Variants in HEATR5A observed in about 807,000 individuals in gnomAD.
The protein encoded by HEATR5A is HEAT repeat containing 5A.
HEATR5A carries 178 observed loss-of-function variants against 218.8 expected under a neutral mutation model. The observed-to-expected ratio is 0.81, with a 90% confidence interval of 0.72 to 0.92. The LOEUF (loss-of-function observed/expected upper bound fraction) is 0.92. HEATR5A is among the 40% of genes least tolerant of loss of function. The pLI is 0.00. For synonymous variants in HEATR5A, 864 were observed against 871.6 expected, an observed-to-expected ratio of 0.99 and a Z score of 0.15; for missense variants, 2,420 against 2,418.9, an observed-to-expected ratio of 1.00 and a Z score of -0.01.
At chr14:31,295,569 T>C (rs929949313) in intron 34 of HEATR5A, 1 of 153,088 alleles carries the variant, frequency 6.5e-6, no homozygotes, top group Non-Finnish European at 1.4e-5. Context: ...TTTTTTTTTT[T>C]TTTTTTTTTT....
chr14:31,320,119 T>C lies in HEATR5A; in HGVS notation c.3969+1380A>G, dbSNP rs1900042257. On this transcript the variant is annotated intron_variant, in intron 25 of 35. Transcript: ENST00000543095. The stretch of plus-strand genomic sequence containing the variant: ...ATTAACCTTTATTTATTTATTTATT[T>C]ATTTAGAGAAACGTTGTGTTTAATG... The C allele has an allele frequency of 2.6e-5, 6 of 232,358 alleles. No individual in the cohort carries two copies. The South Asian group carries it at 3.9e-4, about 15-fold the overall frequency. 14.4% of individuals were successfully genotyped at this position (232,358 alleles called of 1,614,324 possible).
intron 16 of HEATR5A, among the ~76,000 whole-genome samples, chr14:31,355,998 G>C (rs1333625675): frequency 6.6e-6 from 1 of 152,160 alleles, no homozygotes; most frequent in Non-Finnish European, 1.5e-5. Context: ...ATATTCGGTT[G>C]CTGTTTAAAT....
intron 22 of HEATR5A, chr14:31,334,288 G>A: frequency 2.6e-6 from 1 of 389,700 alleles, no homozygotes; most frequent in South Asian, 1.9e-5. Context: ...GCAGATTAAG[G>A]AGTCATTTTG....
rs116863217 is a variant in HEATR5A at position 31,323,973 on chromosome 14, C to T, written c.3548-169G>A. On this transcript the variant is annotated intron_variant, in intron 23 of 35. Coordinates refer to ENST00000543095, the MANE Select transcript of HEATR5A (RefSeq NM_015473.4). ...ATCAAATAATTAGGTCTAATAACTA[C>T]ATACAACTAAACAGCTGTCTAAAGG... Among the ~76,000 whole-genome samples the T allele has an allele frequency of 5.7e-3, 872 of 152,156 alleles. 8 individuals carry two copies. The highest frequency in any genetic ancestry group is 0.012 in the South Asian group (58 of 4,820).
chr14:31,398,148 G>A (rs1295992577), intron 4 of HEATR5A, among the ~76,000 whole-genome samples: 2 of 152,120 alleles, frequency 1.3e-5, no homozygotes, highest in Non-Finnish European at 2.9e-5. Context: ...AGGAGTAAGT[G>A]ACACAAATAT....
chr14:31,373,132 G>T (rs1902101745), intron 12 of HEATR5A, among the ~76,000 whole-genome samples: 1 of 151,982 alleles, frequency 6.6e-6, no homozygotes, highest in Non-Finnish European at 1.5e-5. Flanking sequence ...ATGTTGTCCA[G>T]GCTGGTCTTG....
At position 31,354,695 on chromosome 14, in the gene HEATR5A, T is replaced by C. The variant is rs539827661; in HGVS notation, c.2411+3942A>G. ...CAGTTAACTGAATAAAGGGTGAAGATGTAACATTTGAAAATGTTGATTTAT... is the reference window on the plus strand; with the variant it reads ...CAGTTAACTGAATAAAGGGTGAAGACGTAACATTTGAAAATGTTGATTTAT... On this transcript the variant is annotated intron_variant, in intron 16 of 35. Transcript: ENST00000543095. Among the ~76,000 whole-genome samples, 6 of 152,348 alleles carry C rather than the reference T, an allele frequency of 3.9e-5. No homozygotes were observed. In the East Asian group the frequency reaches 9.6e-4, roughly 24 times the overall value.
At chr14:31,333,889 T>A (rs925670356) in intron 22 of HEATR5A, among the ~76,000 whole-genome samples, 54 of 141,416 alleles carry the variant, frequency 3.8e-4, no homozygotes, top group Admixed American at 2.7e-3. Flanking sequence ...AAAAAAAAAA[T>A]TTAGCTGGGT....
chr14:31,364,381 A>G, intron 13 of HEATR5A, 83 bp from the exon 14 acceptor site: 1 of 640,900 alleles, frequency 1.6e-6, no homozygotes, highest in East Asian at 2.8e-5. Context: ...ATCTTAACAT[A>G]TAAATTAGCT....
At chr14:31,371,092 A>ACATT (rs373966140) in intron 13 of HEATR5A, among the ~76,000 whole-genome samples, 1,641 of 152,274 alleles carry the variant, frequency 0.011, 24 homozygotes, top group African/African-American at 0.037. Flanking sequence ...GAACACAGCC[A>ACATT]CATTCATTCA....
At position 31,308,012 on chromosome 14, in the gene HEATR5A, C is replaced by G. The variant is rs756297444; in HGVS notation, c.4699G>C (p.Val1567Leu). 3.1e-6 allele frequency: 5 copies of G among 1,606,536 alleles called. No homozygotes were observed. Among genetic ancestry groups the G allele is most frequent in the Non-Finnish European group, 4.2e-6 (5 of 1,177,716 alleles). The change falls in exon 30 of 36, where the codon GTG (valine) becomes CTG (leucine). Residue 1567 changes from valine to leucine, a missense_variant. Val to Leu is a conservative substitution (Grantham distance 32). Coordinates refer to ENST00000543095, the MANE Select transcript of HEATR5A (RefSeq NM_015473.4). ...DRFHLILGISVEFLCSLRSDA... is the reference protein window; with the variant it reads ...DRFHLILGISLEFLCSLRSDA... ...GAACGTAAGGAACATAGAAATTCCACGCTGATTCCTGTGGAAAGCAAAAAA... is the reference window on the plus strand; with the variant it reads ...GAACGTAAGGAACATAGAAATTCCAGGCTGATTCCTGTGGAAAGCAAAAAA...
At chr14:31,320,098 A>G (rs1900040913) in intron 25 of HEATR5A, 1 of 222,720 alleles carries the variant, frequency 4.5e-6, no homozygotes, top group Admixed American at 5.1e-5. Context: ...ATGAAAATTA[A>G]CCTTTATTTA....
chr14:31,365,611 C>T (rs560983397), intron 13 of HEATR5A, among the ~76,000 whole-genome samples: 3 of 152,124 alleles, frequency 2.0e-5, no homozygotes, highest in South Asian at 2.1e-4. Context: ...GCACCCACCT[C>T]GGCCTCCCAA....
chr14:31,406,999 GAGA>G (rs1197205231), intron 1 of HEATR5A, among the ~76,000 whole-genome samples: 1 of 38,050 alleles, frequency 2.6e-5, no homozygotes, highest in Non-Finnish European at 6.8e-5. Flanking sequence ...AAAAAAAAGC[GAGA>G]AGTAGGGCCG....
chr14:31,404,422 T>C (rs2030985464), intron 1 of HEATR5A, among the ~76,000 whole-genome samples: 1 of 152,222 alleles, frequency 6.6e-6, no homozygotes, highest in Non-Finnish European at 1.5e-5. Context: ...AGGCTTTTCA[T>C]TTTTTCATGT....
chr14:31,326,267 C>T lies in HEATR5A; in HGVS notation c.3443G>A (p.Cys1148Tyr). 6.2e-7 allele frequency: 1 copy of T among 1,612,976 alleles called. No homozygotes were observed. The highest frequency in any genetic ancestry group is 1.1e-5 in the South Asian group (1 of 91,064). Reference sequence around the variant, plus strand: ...ATTTAAAGTCTCTTTGATATCATGGCATAATCTCTCATCTGTCTCCTTGTC... The same window carrying T: ...ATTTAAAGTCTCTTTGATATCATGGTATAATCTCTCATCTGTCTCCTTGTC... ...LLDKETDERLCHDIKETLNYM... is the reference protein window; with the variant it reads ...LLDKETDERLYHDIKETLNYM... The change falls in exon 23 of 36, where the codon TGC becomes TAC. Residue 1148 changes from cysteine (C) to tyrosine (Y), a missense_variant. Physicochemically the swap from Cys to Tyr is radical, Grantham distance 194. Transcript: ENST00000543095.
intron 14 of HEATR5A, among the ~76,000 whole-genome samples, chr14:31,362,904 G>A (rs184523531): frequency 9.7e-4 from 148 of 152,238 alleles, no homozygotes; most frequent in Middle Eastern, 3.4e-3. Context: ...GCTGGGCACA[G>A]TGGCTTATGC....
chr14:31,337,931 A>G (rs1366406885), intron 21 of HEATR5A, among the ~76,000 whole-genome samples: 1 of 152,198 alleles, frequency 6.6e-6, no homozygotes, highest in Non-Finnish European at 1.5e-5. Context: ...ACTACAATGG[A>G]AAGGATTTAG....
Position 31,355,794 on chromosome 14 carries a change from G to A in HEATR5A, c.2411+2843C>T, listed in dbSNP as rs137885967. Among the ~76,000 whole-genome samples, 577 of 152,138 alleles carry A rather than the reference G, an allele frequency of 3.8e-3. 5 individuals carry two copies. Among genetic ancestry groups the A allele is most frequent in the Admixed American group, 0.02 (306 of 15,276 alleles). Reference sequence around the variant, plus strand: ...TATAAAATATCTTGACTTTCCAACCGGTAAACATTTTTACGTTAGAACCCT... The same window carrying A: ...TATAAAATATCTTGACTTTCCAACCAGTAAACATTTTTACGTTAGAACCCT... On this transcript the variant is annotated intron_variant, in intron 16 of 35. Transcript: ENST00000543095.
Sources: allele counts gnomAD v4.1 joint callset (sites outside exome capture counted in the v4.1 genomes callset), GRCh38; gene constraint gnomAD v4.1.1; transcripts MANE v1.5; gene names NCBI Gene and HGNC (gene_info 2026-07-23, HGNC 2026-07-21).